STX8: variants seen among roughly 807,000 people sequenced by gnomAD.
STX8 encodes the protein syntaxin-8.
A neutral mutation model predicts 37.5 loss-of-function variants in STX8; 23 were observed. The ratio of observed to expected loss-of-function variants is 0.61; its 90% CI spans 0.44 to 0.87. STX8 has a LOEUF of 0.87. STX8 is among the 40% of genes least tolerant of loss of function. The pLI is 0.00. For missense variants in STX8, 313 were observed against 284.7 expected, an observed-to-expected ratio of 1.10 and a Z score of -0.71; for synonymous variants, 115 against 99.1, an observed-to-expected ratio of 1.16 and a Z score of -0.95.
intron 6 of STX8, among the ~76,000 whole-genome samples, chr17:9,456,862 C>T (rs1480309713): frequency 6.6e-6 from 1 of 151,988 alleles, no homozygotes; most frequent in Non-Finnish European, 1.5e-5. Flanking sequence ...GGAAAACAGC[C>T]CTGCTTCTTT....
intron 1 of STX8, among the ~76,000 whole-genome samples, chr17:9,571,932 AG>A (rs1209253000): frequency 6.6e-6 from 1 of 151,812 alleles, no homozygotes; most frequent in Non-Finnish European, 1.5e-5. Flanking sequence ...AAAAAAAAAA[AG>A]GTGTGGAGGG....
chr17:9,563,152 C>CATCCATTT lies in STX8; in HGVS notation c.117+5218_117+5219insAAATGGAT, dbSNP rs1555537847. 2.1e-5 allele frequency among the ~76,000 whole-genome samples: 3 copies of CATCCATTT among 142,012 alleles called. No homozygotes were observed. The East Asian group carries it at 6.2e-4, about 29-fold the overall frequency. 93.2% of individuals were successfully genotyped at this position (142,012 alleles called of 152,430 possible). On this transcript the variant is annotated intron_variant, in intron 2 of 7. Transcript: ENST00000306357. ...AGTATCTGTCATTCATTCATTCATC[C>CATCCATTT]ATTTATTTATTTATTTATTTATTTA... is the stretch of plus-strand genomic sequence containing the variant.
chr17:9,275,616 TC>T (rs1394697384), intron 7 of STX8, among the ~76,000 whole-genome samples: 3 of 152,182 alleles, frequency 2.0e-5, no homozygotes, highest in Non-Finnish European at 4.4e-5. Flanking sequence ...ATGCCTGTGA[TC>T]CCAGCACTTT....
chr17:9,476,316 A>G (rs1241635514), intron 6 of STX8, among the ~76,000 whole-genome samples: 2 of 152,234 alleles, frequency 1.3e-5, no homozygotes, highest in African/African-American at 4.8e-5. Flanking sequence ...AGCCCATAGC[A>G]TGTGTATTAG....
chr17:9,455,637 T>C (rs1284211323), intron 6 of STX8, among the ~76,000 whole-genome samples: 6 of 152,050 alleles, frequency 3.9e-5, no homozygotes, highest in Admixed American at 3.9e-4. Context: ...AATATTACAA[T>C]GCAATAAGAA....
intron 6 of STX8, among the ~76,000 whole-genome samples, chr17:9,392,502 C>CAGGCTAAGAA (rs770945706): frequency 5.9e-5 from 9 of 152,124 alleles, no homozygotes; most frequent in Admixed American, 2.6e-4. Context: ...AGCTTCTCAG[C>CAGGCTAAGAA]AGGCTAAGAA....
chr17:9,441,902 C>A (rs1356990659), intron 6 of STX8, among the ~76,000 whole-genome samples: 1 of 151,942 alleles, frequency 6.6e-6, no homozygotes, highest in African/African-American at 2.4e-5. Flanking sequence ...GTCTCAATCT[C>A]CTGACCTCGT....
intron 4 of STX8, among the ~76,000 whole-genome samples, chr17:9,518,530 T>G (rs1035168876): frequency 4.6e-5 from 7 of 152,192 alleles, no homozygotes; most frequent in African/African-American, 1.7e-4. Flanking sequence ...GGTATTGTGT[T>G]TCTCTGGGCA....
chr17:9,464,200 C>T (rs150038388), intron 6 of STX8, among the ~76,000 whole-genome samples: 3 of 152,288 alleles, frequency 2.0e-5, no homozygotes, highest in African/African-American at 7.2e-5. Flanking sequence ...CTGAAAGAGG[C>T]AATTATTGTA....
chr17:9,384,221 G>A (rs576988089), intron 6 of STX8, among the ~76,000 whole-genome samples: 2 of 149,284 alleles, frequency 1.3e-5, no homozygotes, highest in South Asian at 2.1e-4. Flanking sequence ...GACAGATATC[G>A]TACAGAATTT....
chr17:9,455,440 C>T (rs985140017), intron 6 of STX8, among the ~76,000 whole-genome samples: 2 of 152,028 alleles, frequency 1.3e-5, no homozygotes, highest in African/African-American at 4.8e-5. Context: ...GCGGAGGTTG[C>T]AGTGAGCCGA....
At chr17:9,391,017 A>T (rs1912199894) in intron 6 of STX8, among the ~76,000 whole-genome samples, 2 of 152,208 alleles carry the variant, frequency 1.3e-5, no homozygotes, top group Non-Finnish European at 1.5e-5. Flanking sequence ...CATTATTACC[A>T]TATCAAAGTT....
At position 9,332,198 on chromosome 17, in the gene STX8, T is replaced by C. The variant is rs773952460; in HGVS notation, c.643+46354A>G. On this transcript the variant is annotated intron_variant, in intron 7 of 7. Coordinates refer to ENST00000306357, the MANE Select transcript of STX8 (RefSeq NM_004853.3). Reference sequence around the variant, plus strand: ...TTCCCAGGCAATACAAGAGCCAGTTTATTAGGTAAATAAACCAGGCCTTAA... The same window carrying C: ...TTCCCAGGCAATACAAGAGCCAGTTCATTAGGTAAATAAACCAGGCCTTAA... 6.4e-4 allele frequency among the ~76,000 whole-genome samples: 98 copies of C among 152,356 alleles called. 1 individual carries two copies. The highest frequency in any genetic ancestry group is 6.8e-3 in the Middle Eastern group (2 of 294).
At chr17:9,269,754 C>G (rs1422988960) in intron 7 of STX8, among the ~76,000 whole-genome samples, 1 of 152,196 alleles carries the variant, frequency 6.6e-6, no homozygotes, top group African/African-American at 2.4e-5. Context: ...CCTTGGCCTC[C>G]CACTCCGAGC....
At chr17:9,508,794 A>G (rs1345286463) in intron 4 of STX8, among the ~76,000 whole-genome samples, 1 of 152,274 alleles carries the variant, frequency 6.6e-6, no homozygotes, top group East Asian at 1.9e-4. Flanking sequence ...GCAAATGTAC[A>G]GAAAACATTG....
At chr17:9,543,943 C>T (rs1454408442) in intron 4 of STX8, among the ~76,000 whole-genome samples, 1 of 152,178 alleles carries the variant, frequency 6.6e-6, no homozygotes, top group Non-Finnish European at 1.5e-5. Flanking sequence ...ACAGGAAAAT[C>T]AGTTTCATTT....
intron 5 of STX8, among the ~76,000 whole-genome samples, chr17:9,499,942 G>T (rs527484366): frequency 6.6e-6 from 1 of 152,114 alleles, no homozygotes; most frequent in Admixed American, 6.5e-5. Context: ...TACTCTTCCC[G>T]ACTGAAAACA....
chr17:9,379,043 G>A (rs1043823627), intron 6 of STX8, among the ~76,000 whole-genome samples: 2 of 152,006 alleles, frequency 1.3e-5, no homozygotes, highest in African/African-American at 2.4e-5. Flanking sequence ...TCAGGAGTTC[G>A]AGACCGGCCT....
chr17:9,363,364 G>A (rs574985101), intron 7 of STX8, among the ~76,000 whole-genome samples: 8 of 152,154 alleles, frequency 5.3e-5, no homozygotes, highest in Non-Finnish European at 1.0e-4. Context: ...TATATAAATA[G>A]TGAGCACTTG....
Sources: gnomAD v4.1 joint callset for allele counts (sites outside exome capture counted in the v4.1 genomes callset) on GRCh38, gnomAD v4.1.1 for gene constraint, MANE v1.5 for transcripts, NCBI Gene and HGNC (gene_info 2026-07-23, HGNC 2026-07-21) for gene names.